The following LRRC41 variants were observed in gnomAD, a reference collection of about 807,000 sequenced individuals.
LRRC41 encodes leucine-rich repeat-containing protein 41.
Under a neutral mutation model 72.1 loss-of-function variants are expected in LRRC41, and 17 were observed. The ratio of observed to expected loss-of-function variants is 0.24; its 90% confidence interval spans 0.16 to 0.35. LRRC41 has a LOEUF of 0.35. Among genes scored for constraint, LRRC41 ranks in the 10% least tolerant of loss-of-function variants. LRRC41 has a pLI of 1.00. For missense variants in LRRC41, 759 were observed against 1,065.0 expected (o/e 0.71, Z 4.00); for synonymous variants, 427 against 431.0 (o/e 0.99, Z 0.11).
chr1:46,284,764 G>A (rs1409513594), intron 4 of LRRC41, among the ~76,000 whole-genome samples: 2 of 152,208 alleles, frequency 1.3e-5, no homozygotes, highest in Non-Finnish European at 2.9e-5. Flanking sequence ...GGGAGCTGAT[G>A]TTGCAAGCAC....
chr1:46,283,994 A>G (rs1353929774), intron 4 of LRRC41, among the ~76,000 whole-genome samples: 2 of 152,148 alleles, frequency 1.3e-5, no homozygotes, highest in Non-Finnish European at 2.9e-5. Context: ...AGTGAAAAAA[A>G]ATTTAATGAA....
In LRRC41 at chr1:46,286,325, C is replaced by T. The variant is rs773606541; in HGVS notation, c.532G>A (p.Glu178Lys). Reference protein sequence around the residue: ...TICNMLQGATELVAEPNRRVL... With the variant: ...TICNMLQGATKLVAEPNRRVL... ...CTGCGGTTGGGCTCAGCCACCAGCTCGGTTGCACCCTGCAGCATGTTACAG... is the reference window on the plus strand; with the variant it reads ...CTGCGGTTGGGCTCAGCCACCAGCTTGGTTGCACCCTGCAGCATGTTACAG... The change falls in exon 4 of 10, where the codon GAG (glutamate) becomes AAG (lysine). Residue 178 changes from glutamate (E) to lysine (K), a missense_variant. By Grantham distance (56) the Glu-to-Lys change is moderately conservative. Transcript: ENST00000617190. The surrounding 1 kb of genome is among the most constrained non-coding windows in gnomAD (Gnocchi z 5.5). 2 of 1,614,240 alleles carry T rather than the reference C, an allele frequency of 1.2e-6. No homozygotes were observed. The highest frequency in any genetic ancestry group is 1.3e-5 in the African/African-American group (1 of 75,066).
chr1:46,286,266 A>C lies in LRRC41; in HGVS notation c.591T>G (p.Thr197=). 6.2e-7 allele frequency: 1 copy of C among 1,614,232 alleles called. No individual in the cohort carries two copies. Among genetic ancestry groups the C allele is most frequent in the African/African-American group, 1.3e-5 (1 of 75,060 alleles). The change falls in exon 4 of 10, where the codon ACT becomes ACG. Residue 197 remains threonine (T), a synonymous_variant. Transcript: ENST00000617190. This position sits in a 1 kb window ranked among gnomAD's most constrained non-coding sequence, Gnocchi z 5.5. ...VLETLASSLH[T]LKFRHLLFSD... The stretch of plus-strand genomic sequence containing the variant: ...AGAACAGCAGGTGGCGGAACTTGAG[A>C]GTGTGCAGGGAGCTGGCCAGGGTCT...
chr1:46,281,788 G>T (rs962868342), intron 4 of LRRC41, among the ~76,000 whole-genome samples: 3 of 152,186 alleles, frequency 2.0e-5, no homozygotes, highest in African/African-American at 7.2e-5. Flanking sequence ...ATAGTCAAGA[G>T]TCCCAGCTAG....
At chr1:46,288,946 A>C (rs1053029341) in intron 3 of LRRC41, among the ~76,000 whole-genome samples, 4 of 152,238 alleles carry the variant, frequency 2.6e-5, no homozygotes, top group African/African-American at 9.6e-5. Flanking sequence ...CTTGAAAAAC[A>C]CTTGCAGGTA....
chr1:46,281,018 A>AT, intron 5 of LRRC41, 107 bp downstream of exon 5: 1 of 1,466,356 alleles, frequency 6.8e-7, no homozygotes, highest in Non-Finnish European at 9.3e-7. Flanking sequence ...TAAGCCAGGA[A>AT]TGAGTGATAG....
At position 46,286,686 on chromosome 1, in the gene LRRC41, G is replaced by A. The variant is rs973951736; in HGVS notation, c.358-187C>T. Among the ~76,000 whole-genome samples, 1 of 152,152 alleles carries A rather than the reference G, an allele frequency of 6.6e-6. No homozygotes were observed. The highest frequency in any genetic ancestry group is 1.5e-5 in the Non-Finnish European group (1 of 68,030). On this transcript the variant is annotated intron_variant, in intron 3 of 9. Coordinates refer to ENST00000617190, the MANE Select transcript of LRRC41 (RefSeq NM_006369.5). The surrounding 1 kb of genome is among the most constrained non-coding windows in gnomAD (Gnocchi z 5.5). ...GGTAAAACCGAGGCACAAAGAGGTG[G>A]CCACACAGGTAAGTGGTTGGATTAT...
Position 46,286,188 on chromosome 1 carries a change from G to A in LRRC41, c.669C>T (p.His223=), listed in dbSNP as rs762318443. 5 of 1,614,252 alleles carry A rather than the reference G, an allele frequency of 3.1e-6. No individual in the cohort carries two copies. Among genetic ancestry groups the A allele is most frequent in the Non-Finnish European group, 4.2e-6 (5 of 1,180,052 alleles). The change falls in exon 4 of 10, where the codon CAC becomes CAT. Residue 223 remains histidine (H), a synonymous_variant. Transcript: ENST00000617190. This position sits in a 1 kb window ranked among gnomAD's most constrained non-coding sequence, Gnocchi z 5.5. ...SLRQLLHQLI[H]HGAVSQVSLY... The stretch of plus-strand genomic sequence containing the variant: ...GCGACACTTGACTGACAGCCCCATG[G>A]TGAATGAGCTGATGCAACAGCTGCC...
rs372007047 is a variant in LRRC41, at chr1:46,278,268, C to T, written c.*597G>A. 13 of 1,612,680 alleles carry T rather than the reference C, an allele frequency of 8.1e-6. No homozygotes were observed. Among genetic ancestry groups the T allele is most frequent in the Middle Eastern group, 1.7e-4 (1 of 5,892 alleles). The stretch of plus-strand genomic sequence containing the variant: ...CCACCAGCGTTCTCATGAGGAGCAG[C>T]GGGGCCTCCGCTGATAACCAGCTGG... On this transcript the variant is annotated 3_prime_UTR_variant, in exon 10 of 10. Coordinates refer to ENST00000617190, the MANE Select transcript of LRRC41 (RefSeq NM_006369.5).
chr1:46,280,311 A>T, intron 6 of LRRC41, 21 bp from the exon 7 acceptor site: 1 of 1,612,670 alleles, frequency 6.2e-7, no homozygotes, highest in Non-Finnish European at 8.5e-7. Context: ...GGCAGAGACC[A>T]TGGACCATGG....
In LRRC41 at chr1:46,277,539, A is replaced by C; in HGVS notation, c.*1326T>G. ...GCAGAAATCTGAAGCTGCAGCAGAC[A>C]AACCTCAGTTCACCCTGACGGGATT... is the stretch of plus-strand genomic sequence containing the variant. On this transcript the variant is annotated 3_prime_UTR_variant, in exon 10 of 10. Coordinates refer to ENST00000617190, the MANE Select transcript of LRRC41 (RefSeq NM_006369.5). 1 of 498,996 alleles carries C rather than the reference A, an allele frequency of 2.0e-6. No homozygotes were observed. The highest frequency in any genetic ancestry group is 3.6e-6 in the Non-Finnish European group (1 of 274,710). The allele number at this position is 498,996 out of a possible 1,614,324, so 30.9% of individuals were successfully genotyped here.
intron 3 of LRRC41, among the ~76,000 whole-genome samples, chr1:46,289,532 C>G (rs182537899): frequency 3.9e-5 from 6 of 151,986 alleles, no homozygotes; most frequent in Non-Finnish European, 5.9e-5. Flanking sequence ...GAGGCCGAGG[C>G]GGGGGGGATC....
chr1:46,293,754 T>C (rs1661066030), intron 3 of LRRC41, among the ~76,000 whole-genome samples: 1 of 150,986 alleles, frequency 6.6e-6, no homozygotes, highest in Admixed American at 6.6e-5. Context: ...ATTTTTATTT[T>C]GTTTTGTTGT....
rs1557713035 is a variant in LRRC41, at chr1:46,281,837, G to A, written c.1496-452C>T. Among the ~76,000 whole-genome samples, 3 of 152,198 alleles carry A rather than the reference G, an allele frequency of 2.0e-5. No individual in the cohort carries two copies. In the South Asian group the frequency reaches 6.2e-4, roughly 31 times the overall value. On this transcript the variant is annotated intron_variant, in intron 4 of 9. Transcript: ENST00000617190. ...CTCACGCCTGTAATCCCAGCACTTT[G>A]GGAGGCCAAGGTGGGCAGATCACTT...
chr1:46,292,246 G>A (rs1661035111), intron 3 of LRRC41, among the ~76,000 whole-genome samples: 1 of 150,768 alleles, frequency 6.6e-6, no homozygotes, highest in Non-Finnish European at 1.5e-5. Context: ...GTGACAGAGA[G>A]AGACTCTGTC....
At chr1:46,288,339 T>G (rs773063809) in intron 3 of LRRC41, among the ~76,000 whole-genome samples, 1 of 152,216 alleles carries the variant, frequency 6.6e-6, no homozygotes, top group Non-Finnish European at 1.5e-5. Context: ...TCTGAACCTC[T>G]TCCCTCATCT....
intron 3 of LRRC41, among the ~76,000 whole-genome samples, chr1:46,290,706 A>T (rs1660992761): frequency 6.6e-6 from 1 of 150,638 alleles, no homozygotes; most frequent in African/African-American, 2.4e-5. Context: ...TCCCGGGTTC[A>T]AGCAATTCTT....
chr1:46,301,931 G>C, intron 1 of LRRC41: 1 of 983,158 alleles, frequency 1.0e-6, no homozygotes, highest in Non-Finnish European at 1.2e-6. Context: ...TCTCAGGCCC[G>C]AGGCCTCCCC....
chr1:46,280,112 A>G, intron 7 of LRRC41, 80 bp downstream of exon 7: 1 of 1,070,870 alleles, frequency 9.3e-7, no homozygotes, highest in South Asian at 1.3e-5. Flanking sequence ...CAAGAAAGGA[A>G]CAGTGGTTTG....
Sources: gnomAD v4.1 joint callset for allele counts (sites outside exome capture counted in the v4.1 genomes callset) on GRCh38, gnomAD v4.1.1 for gene constraint, Gnocchi (gnomAD v3.1) non-coding constraint, MANE v1.5 for transcripts, NCBI Gene and HGNC (gene_info 2026-07-23, HGNC 2026-07-21) for gene names.